ARHGAP29: variants seen among roughly 807,000 people sequenced by gnomAD.
ARHGAP29 encodes Rho GTPase activating protein 29.
A neutral mutation model predicts 122.6 loss-of-function variants in ARHGAP29; 43 were observed. That is an observed-to-expected ratio of 0.35 (90% confidence interval 0.27 to 0.45). ARHGAP29 has a LOEUF of 0.45. Ranked by LOEUF, ARHGAP29 falls within the 20% of genes least tolerant of loss-of-function variation. The pLI is 1.00. For synonymous variants in ARHGAP29, 506 were observed against 497.1 expected (o/e 1.02, Z -0.24); for missense variants, 1,303 against 1,477.2 (o/e 0.88, Z 1.93).
intron 11 of ARHGAP29, 75 bp downstream of exon 11, chr1:94,202,469 G>A (rs768717559): frequency 3.9e-6 from 6 of 1,552,370 alleles, no homozygotes; most frequent in Admixed American, 1.7e-5. Flanking sequence ...CTTGGCAGAC[G>A]CAGAACTTTG....
intron 1 of ARHGAP29, among the ~76,000 whole-genome samples, chr1:94,274,178 T>C (rs973323266): frequency 6.6e-6 from 1 of 152,202 alleles, no homozygotes; most frequent in African/African-American, 2.4e-5. Flanking sequence ...GAACCAGATG[T>C]AATATTTTCA....
rs1557837695 is a variant in ARHGAP29 at position 94,177,876 on chromosome 1, C to T, written c.2772G>A (p.Lys924=). ...PEERDIERSM[K]SLFFSSKEDI... Reference sequence around the variant, plus strand: ...CTTCCTTTGAAGAAAAAAATAGTGACTTCATGGAACGTTCAATGTCTCTTT... The same window carrying T: ...CTTCCTTTGAAGAAAAAAATAGTGATTTCATGGAACGTTCAATGTCTCTTT... Residue 924 remains lysine, a synonymous_variant, in exon 21 of 23, where the codon AAG becomes AAA. Coordinates refer to ENST00000260526, the MANE Select transcript of ARHGAP29 (RefSeq NM_004815.4). 2 of 1,612,734 alleles carry T rather than the reference C, an allele frequency of 1.2e-6. No individual in the cohort carries two copies. Among genetic ancestry groups the T allele is most frequent in the South Asian group, 2.2e-5 (2 of 90,774 alleles).
At chr1:94,307,307 T>C in the ARHGAP29 span, among the ~76,000 whole-genome samples, 1 of 152,210 alleles carries the variant, frequency 6.6e-6, no homozygotes, top group Non-Finnish European at 1.5e-5. Context: ...TCTTCCACTC[T>C]CCACAACTGT....
At chr1:94,277,708 T>C (rs1655237640), upstream of ARHGAP29, among the ~76,000 whole-genome samples, 1 of 152,174 alleles carries the variant, frequency 6.6e-6, no homozygotes, top group Non-Finnish European at 1.5e-5. Context: ...TCCTTTTCTC[T>C]GCAATTCCCT....
At chr1:94,236,515 G>A (rs933780511) in intron 1 of ARHGAP29, among the ~76,000 whole-genome samples, 2 of 152,130 alleles carry the variant, frequency 1.3e-5, no homozygotes, top group Non-Finnish European at 2.9e-5. Context: ...AGAAGGGAAG[G>A]AGAGCTCAGC....
intron 1 of ARHGAP29, among the ~76,000 whole-genome samples, chr1:94,252,643 G>A (rs1654141367): frequency 1.3e-5 from 2 of 151,596 alleles, no homozygotes; most frequent in African/African-American, 2.4e-5. Context: ...AACCCAATCA[G>A]CCAAAGTTTT....
At chr1:94,190,431 T>G (rs1029018486) in intron 12 of ARHGAP29, 3 of 172,498 alleles carry the variant, frequency 1.7e-5, no homozygotes, top group African/African-American at 7.1e-5. Context: ...TGATCACAAC[T>G]GCCTAAGAGA....
chr1:94,226,311 T>C (rs891284553), intron 2 of ARHGAP29, among the ~76,000 whole-genome samples: 19 of 151,984 alleles, frequency 1.3e-4, no homozygotes, highest in African/African-American at 3.4e-4. Context: ...ATGAAAATAA[T>C]AACAACTGAC....
chr1:94,173,436 T>G lies in ARHGAP29; in HGVS notation c.*433A>C, dbSNP rs764148433. 17 of 156,490 alleles carry G rather than the reference T, an allele frequency of 1.1e-4. No individual in the cohort carries two copies. The highest frequency in any genetic ancestry group is 2.1e-4 in the Non-Finnish European group (15 of 70,396). The allele number at this position is 156,490 out of a possible 1,614,324, so 9.7% of individuals were successfully genotyped here. ...AACATATGCATACCAACAAAGATCT[T>G]TTTAGGCACTTGCATTCAGAAACAT... On this transcript the variant is annotated 3_prime_UTR_variant, in exon 23 of 23. Coordinates refer to ENST00000260526, the MANE Select transcript of ARHGAP29 (RefSeq NM_004815.4).
the ARHGAP29 span, among the ~76,000 whole-genome samples, chr1:94,282,226 T>C: frequency 6.6e-6 from 1 of 151,994 alleles, no homozygotes; most frequent in South Asian, 2.1e-4. Flanking sequence ...TCCAATAGGC[T>C]TGGGGACCAC....
chr1:94,288,194 T>A, the ARHGAP29 span, among the ~76,000 whole-genome samples: 63 of 152,242 alleles, frequency 4.1e-4, no homozygotes, highest in Non-Finnish European at 8.5e-4. Flanking sequence ...CATTTCTAAC[T>A]GGTGTGAGAT....
intron 3 of ARHGAP29, among the ~76,000 whole-genome samples, chr1:94,209,594 T>C (rs1310809112): frequency 6.6e-6 from 1 of 152,198 alleles, no homozygotes; most frequent in Non-Finnish European, 1.5e-5. Context: ...TTACATAATT[T>C]GACACATCTA....
chr1:94,272,760 G>C (rs1230058022), intron 1 of ARHGAP29, among the ~76,000 whole-genome samples: 1 of 152,048 alleles, frequency 6.6e-6, no homozygotes, highest in Non-Finnish European at 1.5e-5. Flanking sequence ...ACAGTCTGAA[G>C]GCTCTTCCCA....
rs55712972 is a variant in ARHGAP29, at chr1:94,172,612, G to GATAT, written c.*1253_*1256dup. 33,265 of 144,780 alleles carry GATAT rather than the reference G, an allele frequency of 0.23. 3,856 individuals are homozygous for GATAT. The highest frequency in any genetic ancestry group is 0.33 in the South Asian group (1,479 of 4,548). 9.0% of individuals were successfully genotyped at this position (144,780 alleles called of 1,614,324 possible). A position where few individuals can be genotyped will look rare whatever the true frequency, so the allele number is the denominator to read the frequency against. Reference sequence around the variant, plus strand: ...GGAACATGAAATAATTTAACAAGTTGATATATATATATATATATATTATCA... The same window carrying GATAT: ...GGAACATGAAATAATTTAACAAGTTGATATATATATATATATATATATATTATCA... On this transcript the variant is annotated 3_prime_UTR_variant, in exon 23 of 23. Coordinates refer to ENST00000260526, the MANE Select transcript of ARHGAP29 (RefSeq NM_004815.4).
At chr1:94,311,262 C>G in the ARHGAP29 span, among the ~76,000 whole-genome samples, 1 of 152,176 alleles carries the variant, frequency 6.6e-6, no homozygotes, top group South Asian at 2.1e-4. Flanking sequence ...CTATTAATGT[C>G]TTTCCTTCTA....
chr1:94,225,446 T>C (rs1652558794), intron 2 of ARHGAP29, among the ~76,000 whole-genome samples: 1 of 152,108 alleles, frequency 6.6e-6, no homozygotes. Flanking sequence ...ATGGCAATTA[T>C]TACTAGTAAT....
chr1:94,207,743 TTAAA>T (rs1424546070), intron 5 of ARHGAP29, among the ~76,000 whole-genome samples: 1 of 152,220 alleles, frequency 6.6e-6, no homozygotes, highest in East Asian at 1.9e-4. Context: ...AACAAATGCC[TTAAA>T]TAGTCATTTT....
At chr1:94,205,298 C>G (rs1203993745) in intron 6 of ARHGAP29, 100 bp from the exon 7 acceptor site, 9 of 1,014,960 alleles carry the variant, frequency 8.9e-6, no homozygotes, top group Non-Finnish European at 1.1e-5. Context: ...TCAATAAAAA[C>G]TGGTTTTTAA....
At chr1:94,251,599 C>T (rs979812050) in intron 1 of ARHGAP29, among the ~76,000 whole-genome samples, 2 of 152,318 alleles carry the variant, frequency 1.3e-5, no homozygotes, top group East Asian at 1.9e-4. Flanking sequence ...TCTACCTCTG[C>T]GTCTCTGTCC....
Sources: allele counts gnomAD v4.1 joint callset (sites outside exome capture counted in the v4.1 genomes callset), GRCh38; gene constraint gnomAD v4.1.1; transcripts MANE v1.5; gene names NCBI Gene and HGNC (gene_info 2026-07-23, HGNC 2026-07-21).